NFKB1: variants seen among roughly 807,000 people sequenced by gnomAD.
NFKB1 encodes the protein nuclear factor kappa B subunit 1, also known as nuclear factor NF-kappa-B p105 subunit.
In NFKB1, 9 loss-of-function variants were observed where a neutral mutation model predicts 105.1. That is an observed-to-expected ratio of 0.09 (90% CI 0.05 to 0.15). The LOEUF (loss-of-function observed/expected upper bound fraction) is 0.15, where lower values mean the gene tolerates loss of function less well. Ranked by LOEUF, NFKB1 falls within the 10% of genes least tolerant of loss-of-function variation. The pLI, the probability that NFKB1 is intolerant of heterozygous loss-of-function variation, is 1.00. For synonymous variants in NFKB1, 440 were observed against 442.2 expected, an observed-to-expected ratio of 1.00 and a Z score of 0.06; for missense variants, 830 against 1,203.7, an observed-to-expected ratio of 0.69 and a Z score of 4.59.
chr4:102,590,324 C>T (rs561636438), intron 11 of NFKB1, among the ~76,000 whole-genome samples: 10 of 152,322 alleles, frequency 6.6e-5, no homozygotes, highest in South Asian at 2.1e-4. Context: ...CCGGGTGCTC[C>T]GCAGTGTTGT....
intron 2 of NFKB1, among the ~76,000 whole-genome samples, chr4:102,526,380 A>C (rs1740913000): frequency 6.6e-6 from 1 of 152,146 alleles, no homozygotes; most frequent in African/African-American, 2.4e-5. Context: ...GTGGATGATA[A>C]GAAGTTACTT....
intron 6 of NFKB1, among the ~76,000 whole-genome samples, chr4:102,567,997 A>G (rs1194134382): frequency 6.6e-6 from 1 of 152,196 alleles, no homozygotes; most frequent in Non-Finnish European, 1.5e-5. Context: ...TAATTTTTAA[A>G]AACATTTTTC....
chr4:102,543,538 G>A (rs1721884914), intron 5 of NFKB1, among the ~76,000 whole-genome samples: 1 of 151,408 alleles, frequency 6.6e-6, no homozygotes, highest in Non-Finnish European at 1.5e-5. Flanking sequence ...TTTATGTTGA[G>A]TGGAAGACGT....
intron 1 of NFKB1, among the ~76,000 whole-genome samples, chr4:102,519,706 A>G (rs1255347309): frequency 1.3e-5 from 2 of 152,164 alleles, no homozygotes; most frequent in Admixed American, 1.3e-4. Context: ...TATATGCCAA[A>G]GAGGAAAACC....
chr4:102,587,865 AG>A (rs1725841578), intron 11 of NFKB1, among the ~76,000 whole-genome samples: 1 of 152,162 alleles, frequency 6.6e-6, no homozygotes, highest in Non-Finnish European at 1.5e-5. Context: ...TGGTCAGAAA[AG>A]TAGTAGGCCA....
At chr4:102,562,735 GAGC>G (rs554281746) in intron 5 of NFKB1, among the ~76,000 whole-genome samples, 108 of 152,328 alleles carry the variant, frequency 7.1e-4, no homozygotes, top group African/African-American at 2.3e-3. Flanking sequence ...AGTCGGTCTT[GAGC>G]CGGGCAGCCT....
intron 16 of NFKB1, among the ~76,000 whole-genome samples, chr4:102,602,823 T>C (rs1229663226): frequency 6.6e-6 from 1 of 152,194 alleles, no homozygotes; most frequent in Non-Finnish European, 1.5e-5. Flanking sequence ...AAGGATGTCT[T>C]CTTGAAACTT....
Position 102,616,674 on chromosome 4 carries a change from C to A in NFKB1, c.*80C>A. ...TGTCCACAAGACAGAAGCTGAAGTG[C>A]ATCCAAAGGTGCTCAGAGAGCCGGC... On this transcript the variant is annotated 3_prime_UTR_variant, in exon 24 of 24. Transcript: ENST00000226574. 6.9e-7 allele frequency: 1 copy of A among 1,452,508 alleles called. No homozygotes were observed. The allele number at this position is 1,452,508 out of a possible 1,614,324, so 90.0% of individuals were successfully genotyped here.
At chr4:102,561,111 G>A (rs1723388009) in intron 5 of NFKB1, among the ~76,000 whole-genome samples, 1 of 152,128 alleles carries the variant, frequency 6.6e-6, no homozygotes, top group Admixed American at 6.6e-5. Flanking sequence ...AACTGTGTTG[G>A]ACATAATTCT....
chr4:102,579,060 AG>A (rs745539448), intron 8 of NFKB1, 21 bp downstream of exon 8: 39 of 1,606,036 alleles, frequency 2.4e-5, no homozygotes, highest in Non-Finnish European at 6.8e-6. Flanking sequence ...CACTTCCAAC[AG>A]GGGGCACACC....
At chr4:102,524,296 T>C (rs1479341957) in intron 1 of NFKB1, among the ~76,000 whole-genome samples, 1 of 152,190 alleles carries the variant, frequency 6.6e-6, no homozygotes, top group Non-Finnish European at 1.5e-5. Context: ...TGCTAGGGCC[T>C]GCAGTATATT....
chr4:102,570,920 A>G (rs575290442), intron 6 of NFKB1, among the ~76,000 whole-genome samples: 1 of 152,342 alleles, frequency 6.6e-6, no homozygotes, highest in South Asian at 2.1e-4. Context: ...AAGGTAATTT[A>G]TAGATTCAAT....
intron 9 of NFKB1, among the ~76,000 whole-genome samples, chr4:102,581,230 C>T (rs930011021): frequency 6.6e-5 from 10 of 152,096 alleles, no homozygotes; most frequent in Non-Finnish European, 1.5e-4. Flanking sequence ...TTAGTAAAAG[C>T]TGAGGAAAAT....
At chr4:102,582,555 A>G (rs572289876) in intron 9 of NFKB1, among the ~76,000 whole-genome samples, 66 of 152,290 alleles carry the variant, frequency 4.3e-4, no homozygotes, top group African/African-American at 1.5e-3. Flanking sequence ...TTCTTCCACC[A>G]TCGTTCGTGT....
chr4:102,583,379 T>C (rs1352764772), intron 10 of NFKB1, among the ~76,000 whole-genome samples: 1 of 152,190 alleles, frequency 6.6e-6, no homozygotes, highest in Non-Finnish European at 1.5e-5. Flanking sequence ...AAAACAGTAC[T>C]ATTTTTAAGA....
At position 102,593,513 on chromosome 4, in the gene NFKB1, C is replaced by T. The variant is rs574302000; in HGVS notation, c.1155C>T (p.Gly385=). 6.8e-5 allele frequency: 109 copies of T among 1,613,094 alleles called. No individual in the cohort carries two copies. In the South Asian group the frequency reaches 1.1e-3, roughly 17 times the overall value. Residue 385 remains glycine (G), a synonymous_variant, in exon 12 of 24, where the codon GGC becomes GGT. Transcript: ENST00000226574. ...GTGGTAGTGGTGCTGGAGCTGGAGG[C>T]GGAGGCATGTTTGGTAGTGGCGGTG... ...FGGGSGAGAG[G]GGMFGSGGGG... is the part of the protein sequence containing the mutation.
chr4:102,584,391 A>C (rs1725553263), intron 10 of NFKB1, among the ~76,000 whole-genome samples: 1 of 152,240 alleles, frequency 6.6e-6, no homozygotes, highest in South Asian at 2.1e-4. Flanking sequence ...GAATTTTATA[A>C]GCATGATATT....
intron 2 of NFKB1, 68 bp downstream of exon 2, chr4:102,525,625 A>G: frequency 1.4e-6 from 2 of 1,382,578 alleles, no homozygotes; most frequent in Non-Finnish European, 2.0e-6. Context: ...TGCAAAGGCA[A>G]CATTAGTAAG....
chr4:102,539,626 C>A (rs1230661398), intron 5 of NFKB1, among the ~76,000 whole-genome samples: 1 of 152,162 alleles, frequency 6.6e-6, no homozygotes, highest in Admixed American at 6.6e-5. Context: ...CTAATTTGCA[C>A]TTATTAAACA....
Sources: gnomAD v4.1 joint callset for allele counts (sites outside exome capture counted in the v4.1 genomes callset) on GRCh38, gnomAD v4.1.1 for gene constraint, MANE v1.5 for transcripts, NCBI Gene and HGNC (gene_info 2026-07-23, HGNC 2026-07-21) for gene names.